The following GPHN variants were observed in gnomAD, a reference collection of about 807,000 sequenced individuals.
GPHN encodes gephyrin.
A neutral mutation model predicts 95.5 loss-of-function variants in GPHN; 17 were observed. The observed-to-expected ratio is 0.18, with a 90% CI of 0.12 to 0.27. The LOEUF is 0.27. GPHN is among the 10% of genes least tolerant of loss of function. The pLI is 1.00. For missense variants in GPHN, 660 were observed against 978.1 expected (o/e 0.67, Z 4.34); for synonymous variants, 320 against 322.5 (o/e 0.99, Z 0.08).
chr14:67,244,843 A>G, the GPHN span, among the ~76,000 whole-genome samples: 1 of 152,320 alleles, frequency 6.6e-6, no homozygotes, highest in East Asian at 1.9e-4. Flanking sequence ...TTAAGTGGCA[A>G]AGGCTTATTT....
At chr14:67,329,654 G>T in the GPHN span, among the ~76,000 whole-genome samples, 2 of 151,856 alleles carry the variant, frequency 1.3e-5, no homozygotes, top group Non-Finnish European at 2.9e-5. Flanking sequence ...TACGGCGGAC[G>T]CATCACTTGA....
At chr14:67,542,767 C>G in the GPHN span, among the ~76,000 whole-genome samples, 8 of 152,128 alleles carry the variant, frequency 5.3e-5, no homozygotes, top group Non-Finnish European at 1.2e-4. Context: ...ATGGCGCCAT[C>G]GCAGCTCGCC....
chr14:67,328,835 G>A, the GPHN span, among the ~76,000 whole-genome samples: 5 of 152,098 alleles, frequency 3.3e-5, no homozygotes, highest in East Asian at 1.9e-4. Flanking sequence ...CCATTGGTCT[G>A]TATCTCTGTT....
At chr14:66,631,608 G>A (rs1309050570) in intron 1 of GPHN, among the ~76,000 whole-genome samples, 2 of 152,098 alleles carry the variant, frequency 1.3e-5, no homozygotes, top group South Asian at 2.1e-4. Context: ...GCTTGTGTTT[G>A]CAGAAGACAG....
chr14:66,555,578 G>T (rs1383209718), intron 1 of GPHN, among the ~76,000 whole-genome samples: 1 of 151,820 alleles, frequency 6.6e-6, no homozygotes, highest in Admixed American at 6.6e-5. Flanking sequence ...TATACTGATG[G>T]TACTACCAAA....
chr14:67,608,710 G>A, the GPHN span, among the ~76,000 whole-genome samples: 1 of 152,200 alleles, frequency 6.6e-6, no homozygotes, highest in Non-Finnish European at 1.5e-5. Context: ...CTGGAGGCTG[G>A]GAAGTCCAGG....
intron 4 of GPHN, among the ~76,000 whole-genome samples, chr14:66,840,669 ATTC>A (rs2062036955): frequency 7.0e-6 from 1 of 143,538 alleles, no homozygotes. Context: ...ATGAAATATT[ATTC>A]TTCTTTTGAT....
intron 11 of GPHN, among the ~76,000 whole-genome samples, chr14:67,068,660 T>C (rs2076163415): frequency 6.6e-6 from 1 of 152,216 alleles, no homozygotes; most frequent in Non-Finnish European, 1.5e-5. Flanking sequence ...CTGTAAGCTT[T>C]TTTATTTAAG....
chr14:66,861,535 C>A (rs1022743670), intron 4 of GPHN, among the ~76,000 whole-genome samples: 1 of 151,946 alleles, frequency 6.6e-6, no homozygotes, highest in African/African-American at 2.4e-5. Context: ...CCAATGGTGG[C>A]AGAATACACA....
chr14:66,682,728 C>T lies in GPHN; in HGVS notation c.143+1543C>T, dbSNP rs759446320. Reference sequence around the variant, plus strand: ...TTGCACCACTGCACTCCAGCCTGGGCGACAGAGCGAGGCTCCATCTCAAAA... The same window carrying T: ...TTGCACCACTGCACTCCAGCCTGGGTGACAGAGCGAGGCTCCATCTCAAAA... On this transcript the variant is annotated intron_variant, in intron 2 of 22. Transcript: ENST00000478722. 1.4e-4 allele frequency among the ~76,000 whole-genome samples: 21 copies of T among 151,850 alleles called. No individual in the cohort carries two copies. The East Asian group carries it at 1.5e-3, about 11-fold the overall frequency.
intron 13 of GPHN, among the ~76,000 whole-genome samples, chr14:67,107,938 G>A (rs889411350): frequency 2.6e-5 from 4 of 152,312 alleles, no homozygotes; most frequent in African/African-American, 9.6e-5. Context: ...GACTACATCA[G>A]CTCAGCCTGG....
intron 8 of GPHN, among the ~76,000 whole-genome samples, chr14:66,929,576 G>T (rs568273216): frequency 9.7e-4 from 147 of 151,842 alleles, no homozygotes; most frequent in Middle Eastern, 3.4e-3. Context: ...GACCTTCCTT[G>T]TCTCTTTTTA....
the GPHN span, among the ~76,000 whole-genome samples, chr14:67,255,365 A>G: frequency 1.3e-5 from 2 of 152,214 alleles, no homozygotes; most frequent in Non-Finnish European, 2.9e-5. Context: ...TGTAATCAGA[A>G]TCATGAACCT....
the GPHN span, among the ~76,000 whole-genome samples, chr14:67,607,179 G>A: frequency 6.6e-6 from 1 of 152,154 alleles, no homozygotes; most frequent in Non-Finnish European, 1.5e-5. Flanking sequence ...AATTGAGTAA[G>A]TATATAACTT....
At chr14:67,468,079 T>C in the GPHN span, among the ~76,000 whole-genome samples, 1 of 152,072 alleles carries the variant, frequency 6.6e-6, no homozygotes, top group African/African-American at 2.4e-5. Flanking sequence ...GTTCAAGCGA[T>C]TGTCCTGCCT....
intron 2 of GPHN, among the ~76,000 whole-genome samples, chr14:66,690,308 T>C (rs2067686792): frequency 6.6e-6 from 1 of 152,206 alleles, no homozygotes; most frequent in South Asian, 2.1e-4. Context: ...TTGTAGAACA[T>C]GTTCTTCAAT....
At chr14:67,208,256 A>C in the GPHN span, 1 of 1,614,066 alleles carries the variant, frequency 6.2e-7, no homozygotes, top group Non-Finnish European at 8.5e-7. Flanking sequence ...AAAAAGTAAG[A>C]GTGAGTTGAA....
intron 3 of GPHN, among the ~76,000 whole-genome samples, chr14:66,808,805 T>C (rs151057835): frequency 1.3e-5 from 2 of 152,164 alleles, no homozygotes; most frequent in East Asian, 3.9e-4. Context: ...TCAAAAAATA[T>C]GTATATATTT....
chr14:66,932,761 C>G (rs2066895351), intron 8 of GPHN, among the ~76,000 whole-genome samples: 1 of 151,784 alleles, frequency 6.6e-6, no homozygotes, highest in Non-Finnish European at 1.5e-5. Context: ...AGGCCTGTAT[C>G]TCTCCCTTCA....
Sources: allele counts gnomAD v4.1 joint callset (sites outside exome capture counted in the v4.1 genomes callset), GRCh38; gene constraint gnomAD v4.1.1; transcripts MANE v1.5; gene names NCBI Gene and HGNC (gene_info 2026-07-23, HGNC 2026-07-21).